Variants in SLC27A2 observed in about 807,000 individuals in gnomAD.
The protein encoded by SLC27A2 is long-chain fatty acid transport protein 2.
In SLC27A2, 54 loss-of-function variants were observed where a neutral mutation model predicts 60.0. That is an observed-to-expected ratio of 0.90 (90% CI 0.72 to 1.13). SLC27A2 has a LOEUF of 1.13. Among genes scored for constraint, SLC27A2 ranks in the 50% most tolerant of loss-of-function variants. SLC27A2 has a pLI of 0.00. For synonymous variants in SLC27A2, 297 were observed against 297.6 expected (o/e 1.00, Z 0.02); for missense variants, 739 against 777.6 (o/e 0.95, Z 0.59).
chr15:50,210,513 T>C (rs1356844536), intron 4 of SLC27A2, among the ~76,000 whole-genome samples: 1 of 152,140 alleles, frequency 6.6e-6, no homozygotes, highest in Non-Finnish European at 1.5e-5. Context: ...TAGCAGCCCA[T>C]TCCCGCCTGG....
chr15:50,228,058 A>G (rs2045289412), intron 7 of SLC27A2, among the ~76,000 whole-genome samples: 1 of 152,172 alleles, frequency 6.6e-6, no homozygotes, highest in Admixed American at 6.5e-5. Flanking sequence ...TCATGTTATT[A>G]AGATGATACT....
At chr15:50,212,486 G>T (rs2045165470) in intron 4 of SLC27A2, among the ~76,000 whole-genome samples, 1 of 152,210 alleles carries the variant, frequency 6.6e-6, no homozygotes, top group African/African-American at 2.4e-5. Context: ...TAGGCACATT[G>T]TCATCAGGTT....
chr15:50,185,150 T>C (rs2044910449), intron 1 of SLC27A2, among the ~76,000 whole-genome samples: 1 of 152,178 alleles, frequency 6.6e-6, no homozygotes, highest in Non-Finnish European at 1.5e-5. Flanking sequence ...TAAATGACCA[T>C]AATACAGTTT....
At chr15:50,188,992 T>C (rs1051233426) in intron 1 of SLC27A2, among the ~76,000 whole-genome samples, 4 of 149,962 alleles carry the variant, frequency 2.7e-5, no homozygotes, top group African/African-American at 1.0e-4. Context: ...AATAGATAGA[T>C]AGATAGATAG....
chr15:50,202,576 A>T lies in SLC27A2; in HGVS notation c.778A>T (p.Ile260Phe), dbSNP rs2045073511. 1 of 1,614,036 alleles carries T rather than the reference A, an allele frequency of 6.2e-7. No homozygotes were observed. The highest frequency in any genetic ancestry group is 8.5e-7 in the Non-Finnish European group (1 of 1,180,006). Residue 260 changes from isoleucine (I) to phenylalanine (F), a missense_variant, in exon 3 of 10, where the codon ATC becomes TTC. By Grantham distance (21) the Ile-to-Phe change is conservative. Coordinates refer to ENST00000267842, the MANE Select transcript of SLC27A2 (RefSeq NM_003645.4). ...AAGCGGATTGAAGGCAGATGATGTC[A>T]TCTATATCACTCTGCCCTTTTACCA... Reference protein sequence around the residue: ...FVSGLKADDVIYITLPFYHSA... With the variant: ...FVSGLKADDVFYITLPFYHSA...
Position 50,227,015 on chromosome 15 carries a change from C to T in SLC27A2, c.1294C>T (p.Leu432Phe). The T allele has an allele frequency of 1.2e-6, 2 of 1,614,136 alleles. No individual in the cohort carries two copies. The highest frequency in any genetic ancestry group is 1.7e-6 in the Non-Finnish European group (2 of 1,180,010). ...ACTTCTGGTTTGCAAAATCACACAA[C>T]TTACACCATTTAATGGCTATGCTGG... ...VGLLVCKITQ[L>F]TPFNGYAGAK... is the part of the protein sequence containing the mutation. The change falls in exon 7 of 10, where the codon CTT becomes TTT. Residue 432 changes from leucine (L) to phenylalanine (F), a missense_variant. Physicochemically the swap from Leu to Phe is conservative, Grantham distance 22. Transcript: ENST00000267842.
At chr15:50,231,247 C>T (rs981014145) in intron 8 of SLC27A2, among the ~76,000 whole-genome samples, 5 of 150,488 alleles carry the variant, frequency 3.3e-5, no homozygotes, top group African/African-American at 9.8e-5. Flanking sequence ...CATGTTCAAG[C>T]GGCAATTCTC....
chr15:50,228,893 A>T, intron 7 of SLC27A2, 52 bp from the exon 8 acceptor site: 1 of 1,264,564 alleles, frequency 7.9e-7, no homozygotes, highest in Non-Finnish European at 1.2e-6. Flanking sequence ...CGACATTGCA[A>T]CCTGGGCCAG....
At chr15:50,198,978 G>A (rs570580857) in intron 2 of SLC27A2, among the ~76,000 whole-genome samples, 3 of 151,944 alleles carry the variant, frequency 2.0e-5, no homozygotes, top group East Asian at 1.9e-4. Flanking sequence ...AAGTAAATGA[G>A]AGGAAGCCAG....
chr15:50,226,175 T>A, intron 6 of SLC27A2, 97 bp downstream of exon 6: 1 of 760,660 alleles, frequency 1.3e-6, no homozygotes, highest in Non-Finnish European at 2.3e-6. Context: ...GTAAAATTTA[T>A]CAGAGTGGGG....
Position 50,236,145 on chromosome 15 carries a change from C to T in SLC27A2, c.*49C>T, listed in dbSNP as rs773431129. On this transcript the variant is annotated 3_prime_UTR_variant, in exon 10 of 10. Transcript: ENST00000267842. Reference sequence around the variant, plus strand: ...CATTTCCAGAAAGAAACTGAATGGACAGCCACTTGATATAATCCAACTTTA... The same window carrying T: ...CATTTCCAGAAAGAAACTGAATGGATAGCCACTTGATATAATCCAACTTTA... 4.9e-6 allele frequency: 7 copies of T among 1,414,316 alleles called. No homozygotes were observed. The highest frequency in any genetic ancestry group is 6.7e-6 in the Non-Finnish European group (7 of 1,048,070). 87.6% of individuals were successfully genotyped at this position (1,414,316 alleles called of 1,614,324 possible).
At position 50,236,335 on chromosome 15, in the gene SLC27A2, A is replaced by G. The variant is rs561726197; in HGVS notation, c.*239A>G. 8.8e-5 allele frequency: 33 copies of G among 375,906 alleles called. No homozygotes were observed. Among genetic ancestry groups the G allele is most frequent in the African/African-American group, 5.0e-4 (24 of 48,238 alleles). The allele number at this position is 375,906 out of a possible 1,614,324, so 23.3% of individuals were successfully genotyped here. ...TTGCAAACTGAGCTTGTTGGAGGGA[A>G]GGCATTATTTTTTAAAATACTTAGT... On this transcript the variant is annotated 3_prime_UTR_variant, in exon 10 of 10. Transcript: ENST00000267842.
At chr15:50,235,218 C>T (rs2045343457) in intron 9 of SLC27A2, among the ~76,000 whole-genome samples, 1 of 152,118 alleles carries the variant, frequency 6.6e-6, no homozygotes, top group East Asian at 1.9e-4. Flanking sequence ...ATTTGCTTTG[C>T]AACCAGATGG....
chr15:50,216,947 TG>T (rs150212940), intron 4 of SLC27A2, among the ~76,000 whole-genome samples: 31,641 of 150,032 alleles, frequency 0.21, 3,556 homozygotes, highest in African/African-American at 0.28. Flanking sequence ...GCATTTGCAG[TG>T]ACCTGGATGA....
intron 4 of SLC27A2, among the ~76,000 whole-genome samples, chr15:50,219,330 AG>A (rs1483591502): frequency 6.6e-6 from 1 of 152,232 alleles, no homozygotes; most frequent in African/African-American, 2.4e-5. Context: ...GGGAACAGGT[AG>A]ATGGCGTGAA....
intron 1 of SLC27A2, among the ~76,000 whole-genome samples, 181 bp from the exon 2 acceptor site, chr15:50,197,319 C>A (rs1260148469): frequency 6.6e-6 from 1 of 152,034 alleles, no homozygotes; most frequent in Non-Finnish European, 1.5e-5. Flanking sequence ...TCAACATAGA[C>A]CCCATCTCCA....
rs2140890310 is a variant in SLC27A2 at position 50,182,622 on chromosome 15, G to C, written c.195G>C (p.Gln65His). ...GGGCGTTCCTGGAGAAAGCGCGCCA[G>C]ACGCCACACAAGCCTTTTCTGCTCT... ...ILRAFLEKARQTPHKPFLLFR... is the reference protein window; with the variant it reads ...ILRAFLEKARHTPHKPFLLFR... The change falls in exon 1 of 10, where the codon CAG (glutamine) becomes CAC (histidine). Residue 65 changes from glutamine (Q) to histidine (H), a missense_variant. Transcript: ENST00000267842. 6.2e-7 allele frequency: 1 copy of C among 1,613,938 alleles called. No homozygotes were observed. Among genetic ancestry groups the C allele is most frequent in the Non-Finnish European group, 8.5e-7 (1 of 1,179,872 alleles).
chr15:50,204,884 T>G (rs769237656), intron 3 of SLC27A2, among the ~76,000 whole-genome samples: 2 of 148,078 alleles, frequency 1.4e-5, no homozygotes, highest in Non-Finnish European at 3.0e-5. Flanking sequence ...AGACAGAGTC[T>G]CACTCTATTT....
At chr15:50,192,513 T>G (rs956557173) in intron 1 of SLC27A2, among the ~76,000 whole-genome samples, 8 of 152,234 alleles carry the variant, frequency 5.3e-5, no homozygotes, top group African/African-American at 1.9e-4. Flanking sequence ...TTATTAATTT[T>G]TCATGCTAAT....
Sources: gnomAD v4.1 joint callset for allele counts (sites outside exome capture counted in the v4.1 genomes callset) on GRCh38, gnomAD v4.1.1 for gene constraint, MANE v1.5 for transcripts, NCBI Gene and HGNC (gene_info 2026-07-23, HGNC 2026-07-21) for gene names.